VPS13B: variants seen among roughly 807,000 people sequenced by gnomAD.
VPS13B encodes vacuolar protein sorting 13 homolog B.
In VPS13B, 285 loss-of-function variants were observed where a neutral mutation model predicts 426.4. That is an observed-to-expected ratio of 0.67 (90% confidence interval 0.61 to 0.74). VPS13B has a LOEUF of 0.74. Ranked by LOEUF, VPS13B falls within the 30% of genes least tolerant of loss-of-function variation. The probability of loss-of-function intolerance (pLI) is 0.00; values close to 1 mark genes in which losing one functional copy is unlikely to be tolerated. For missense variants in VPS13B, 4,537 were observed against 4,782.6 expected, an observed-to-expected ratio of 0.95 and a Z score of 1.51; for synonymous variants, 1,676 against 1,676.4, an observed-to-expected ratio of 1.00 and a Z score of 0.01.
At chr8:99,744,808 C>T (rs1465883332) in intron 39 of VPS13B, among the ~76,000 whole-genome samples, 16 of 129,040 alleles carry the variant, frequency 1.2e-4, no homozygotes, top group South Asian at 5.5e-4. Context: ...CATCACACAC[C>T]GGGGCCTGTT....
At position 99,835,257 on chromosome 8, in the gene VPS13B, C is replaced by T. The variant is rs2130865492; in HGVS notation, c.9675C>T (p.Asp3225=). 2 of 1,613,832 alleles carry T rather than the reference C, an allele frequency of 1.2e-6. No homozygotes were observed. Among genetic ancestry groups the T allele is most frequent in the South Asian group, 1.1e-5 (1 of 91,072 alleles). Residue 3225 remains aspartate, a synonymous_variant, in exon 53 of 62, where the codon GAC becomes GAT. Transcript: ENST00000357162. The part of the protein sequence containing the change: ...LGVTYLTLSE[D]PSPRVIIHNR... ...TGACTTATTTAACCCTCTCAGAAGA[C>T]CCTAGTCCTCGAGTAATTATCCACA...
Position 99,143,448 on chromosome 8 carries a change from T to C in VPS13B, c.1843+283T>C, listed in dbSNP as rs6468671. Among the ~76,000 whole-genome samples, 30,868 of 148,676 alleles carry C rather than the reference T, an allele frequency of 0.21. 3,631 individuals are homozygous for C. Among genetic ancestry groups the C allele is most frequent in the East Asian group, 0.38 (1,937 of 5,042 alleles). ...TTCTAGTGGATACTTGTGAATATGA[T>C]TTTTTTTTTTCACATTAATGGATTC... On this transcript the variant is annotated intron_variant, in intron 13 of 61. Transcript: ENST00000357162.
chr8:99,618,917 A>G (rs1828225630), intron 33 of VPS13B, among the ~76,000 whole-genome samples: 1 of 152,180 alleles, frequency 6.6e-6, no homozygotes, highest in Non-Finnish European at 1.5e-5. Context: ...TGACTCCAGA[A>G]TGATCTCAGT....
chr8:99,223,128 T>C (rs1815821910), intron 17 of VPS13B, among the ~76,000 whole-genome samples: 1 of 152,190 alleles, frequency 6.6e-6, no homozygotes, highest in Non-Finnish European at 1.5e-5. Flanking sequence ...GTACCCAGCC[T>C]GATATAGGAG....
intron 34 of VPS13B, among the ~76,000 whole-genome samples, chr8:99,655,961 G>GT (rs1252844754): frequency 3.9e-5 from 6 of 152,250 alleles, no homozygotes; most frequent in African/African-American, 1.4e-4. Flanking sequence ...GAAATGAAGG[G>GT]TTTTTTCTGA....
intron 12 of VPS13B, among the ~76,000 whole-genome samples, chr8:99,138,848 T>A (rs1348078175): frequency 6.6e-6 from 1 of 152,210 alleles, no homozygotes; most frequent in Non-Finnish European, 1.5e-5. Flanking sequence ...CCATGTCTTG[T>A]GAGGAGGTGA....
chr8:99,846,723 T>C (rs530927532), intron 54 of VPS13B, among the ~76,000 whole-genome samples: 2 of 152,378 alleles, frequency 1.3e-5, no homozygotes, highest in Admixed American at 6.5e-5. Flanking sequence ...TTAATTTGCT[T>C]GCCTTCAGAA....
At chr8:99,273,159 G>GTTTTTT (rs757322206) in intron 17 of VPS13B, among the ~76,000 whole-genome samples, 1 of 129,460 alleles carries the variant, frequency 7.7e-6, no homozygotes, top group Admixed American at 7.8e-5. Context: ...TACTCAGGTA[G>GTTTTTT]TTTTTTTTTT....
chr8:99,015,889 T>C (rs1209360045), intron 2 of VPS13B, among the ~76,000 whole-genome samples: 1 of 151,740 alleles, frequency 6.6e-6, no homozygotes, highest in Non-Finnish European at 1.5e-5. Flanking sequence ...GGTGACAGAG[T>C]GAGACTCCAT....
At chr8:99,752,727 T>C (rs1381173312) in intron 39 of VPS13B, among the ~76,000 whole-genome samples, 1 of 152,254 alleles carries the variant, frequency 6.6e-6, no homozygotes, top group Non-Finnish European at 1.5e-5. Context: ...ATCTGTACTA[T>C]AGTTTTCACA....
intron 19 of VPS13B, among the ~76,000 whole-genome samples, chr8:99,313,604 A>T (rs991537445): frequency 6.6e-6 from 1 of 151,968 alleles, no homozygotes; most frequent in African/African-American, 2.4e-5. Context: ...CAGTTAGGGT[A>T]CTCAGGGGTC....
intron 19 of VPS13B, among the ~76,000 whole-genome samples, chr8:99,306,794 C>T (rs1294540504): frequency 6.6e-6 from 1 of 151,996 alleles, no homozygotes; most frequent in Non-Finnish European, 1.5e-5. Flanking sequence ...CACTTGAAAT[C>T]TCAGAACTTA....
At chr8:99,511,655 T>C (rs374740400) in intron 29 of VPS13B, 143 bp downstream of exon 29, 11 of 798,630 alleles carry the variant, frequency 1.4e-5, no homozygotes, top group Middle Eastern at 3.6e-4. Flanking sequence ...AGAGGAAATA[T>C]AGATATTCTA....
rs901849235 is a variant in VPS13B at position 99,402,581 on chromosome 8, G to T, written c.3082+10877G>T. On this transcript the variant is annotated intron_variant, in intron 21 of 61. Coordinates refer to ENST00000357162, the MANE Select transcript of VPS13B (RefSeq NM_152564.5). Reference sequence around the variant, plus strand: ...AGCACTGTCCTGCAGATCCCAAGGAGCCAATTTAAACTAAGAAAGGTATTG... The same window carrying T: ...AGCACTGTCCTGCAGATCCCAAGGATCCAATTTAAACTAAGAAAGGTATTG... 2.0e-4 allele frequency among the ~76,000 whole-genome samples: 31 copies of T among 152,116 alleles called. 1 individual carries two copies. Among genetic ancestry groups the T allele is most frequent in the Admixed American group, 2.0e-3 (30 of 15,278 alleles).
intron 60 of VPS13B, 150 bp downstream of exon 60, chr8:99,871,037 A>G (rs1026918448): frequency 1.2e-6 from 1 of 801,496 alleles, no homozygotes; most frequent in African/African-American, 1.7e-5. Context: ...AGAGCACTGT[A>G]GAGGGACAGG....
intron 61 of VPS13B, among the ~76,000 whole-genome samples, chr8:99,871,968 A>G (rs1047509801): frequency 7.9e-5 from 12 of 152,226 alleles, no homozygotes; most frequent in Non-Finnish European, 1.6e-4. Flanking sequence ...TAAGTAACCA[A>G]GCCAATTGAA....
intron 9 of VPS13B, 21 bp downstream of exon 9, chr8:99,134,748 CT>C: frequency 6.4e-7 from 1 of 1,554,314 alleles, no homozygotes; most frequent in Non-Finnish European, 8.9e-7. Context: ...AATATTGAAC[CT>C]GTATTTTTAA....
intron 19 of VPS13B, among the ~76,000 whole-genome samples, chr8:99,332,339 G>A (rs1189878309): frequency 2.0e-5 from 3 of 151,524 alleles, no homozygotes; most frequent in African/African-American, 7.3e-5. Flanking sequence ...CATTTGCAAG[G>A]AAATAGAAAA....
chr8:99,592,013 C>T (rs1480196649), intron 33 of VPS13B, among the ~76,000 whole-genome samples: 1 of 152,064 alleles, frequency 6.6e-6, no homozygotes, highest in Non-Finnish European at 1.5e-5. Flanking sequence ...GGTCTTTTCA[C>T]GTAGTCCCAT....
Sources: allele counts gnomAD v4.1 joint callset (sites outside exome capture counted in the v4.1 genomes callset), GRCh38; gene constraint gnomAD v4.1.1; transcripts MANE v1.5; gene names NCBI Gene and HGNC (gene_info 2026-07-23, HGNC 2026-07-21).